The following CAMLG variants were observed in gnomAD, a reference collection of about 807,000 sequenced individuals.
The protein encoded by CAMLG is calcium modulating ligand, also known as guided entry of tail-anchored proteins factor CAMLG.
Under a neutral mutation model 28.9 loss-of-function variants are expected in CAMLG, and 23 were observed. The ratio of observed to expected loss-of-function variants is 0.80; its 90% confidence interval spans 0.57 to 1.13. CAMLG has a LOEUF of 1.13. Among genes scored for constraint, CAMLG ranks in the 50% most tolerant of loss-of-function variants. The pLI, the probability that CAMLG is intolerant of heterozygous loss-of-function variation, is 0.00. For missense variants in CAMLG, 367 were observed against 371.9 expected (o/e 0.99, Z 0.11); for synonymous variants, 141 against 146.5 (o/e 0.96, Z 0.27).
chr5:134,738,888 A>G, intron 1 of CAMLG, 96 bp downstream of exon 1: 1 of 1,229,620 alleles, frequency 8.1e-7, no homozygotes, highest in Non-Finnish European at 1.2e-6. Flanking sequence ...GACCTTTTTG[A>G]CCAAGCCTTG....
intron 2 of CAMLG, among the ~76,000 whole-genome samples, chr5:134,743,381 A>G (rs937258675): frequency 2.0e-5 from 3 of 152,168 alleles, no homozygotes; most frequent in African/African-American, 7.2e-5. Context: ...AACATATTTT[A>G]TGTTAGGAAA....
intron 3 of CAMLG, among the ~76,000 whole-genome samples, chr5:134,749,559 C>A (rs1753089151): frequency 6.6e-6 from 1 of 152,108 alleles, no homozygotes; most frequent in Non-Finnish European, 1.5e-5. Context: ...AGTGTGGATT[C>A]CTTTGCATAA....
In CAMLG at chr5:134,750,819, G is replaced by T. The variant is rs776554963; in HGVS notation, c.760G>T (p.Ala254Ser). The change falls in exon 4 of 4, where the codon GCC becomes TCC. Residue 254 changes from alanine (A) to serine (S), a missense_variant. Coordinates refer to ENST00000297156, the MANE Select transcript of CAMLG (RefSeq NM_001745.4). ...TAALLLSGIPAEVINRSMDTY... is the reference protein window; with the variant it reads ...TAALLLSGIPSEVINRSMDTY... ...TGCACTTCTATTGTCGGGAATTCCT[G>T]CCGAAGTGATAAATCGATCAATGGA... 6.2e-7 allele frequency: 1 copy of T among 1,613,912 alleles called. No homozygotes were observed.
At chr5:134,746,092 C>T (rs1290313329) in intron 3 of CAMLG, among the ~76,000 whole-genome samples, 5 of 143,718 alleles carry the variant, frequency 3.5e-5, no homozygotes, top group Non-Finnish European at 7.5e-5. Flanking sequence ...GAGCCGAGAT[C>T]GCACCATTGC....
At chr5:134,747,571 C>T (rs1266089968) in intron 3 of CAMLG, among the ~76,000 whole-genome samples, 7 of 151,610 alleles carry the variant, frequency 4.6e-5, no homozygotes, top group Non-Finnish European at 1.0e-4. Flanking sequence ...TGGTCTCGAT[C>T]TCCTGACCTC....
At chr5:134,748,065 T>C (rs1022196485) in intron 3 of CAMLG, among the ~76,000 whole-genome samples, 6 of 147,296 alleles carry the variant, frequency 4.1e-5, no homozygotes, top group South Asian at 2.4e-4. Context: ...GGTTTCACCA[T>C]GTTGGCCAAG....
At position 134,749,071 on chromosome 5, in the gene CAMLG, GT is replaced by G. The variant is rs757032417; in HGVS notation, c.700-1674del. On this transcript the variant is annotated intron_variant, in intron 3 of 3. Coordinates refer to ENST00000297156, the MANE Select transcript of CAMLG (RefSeq NM_001745.4). ...TTCATTTCTTTTAGGTAACTATAGG[GT>G]TTTTTTTTTTTTTCAGATGGAGCTT... is the stretch of plus-strand genomic sequence containing the variant. Among the ~76,000 whole-genome samples, 279 of 139,226 alleles carry G rather than the reference GT, an allele frequency of 2.0e-3. 2 individuals are homozygous for G. The East Asian group carries it at 0.03, about 15-fold the overall frequency. 91.3% of individuals were successfully genotyped at this position (139,226 alleles called of 152,430 possible).
chr5:134,743,337 C>G (rs764900876), intron 2 of CAMLG, among the ~76,000 whole-genome samples: 2 of 151,994 alleles, frequency 1.3e-5, no homozygotes, highest in Non-Finnish European at 2.9e-5. Context: ...TTTGGGGACG[C>G]TAAAAGAATA....
intron 3 of CAMLG, among the ~76,000 whole-genome samples, chr5:134,748,842 A>G (rs1470139840): frequency 6.6e-6 from 1 of 152,070 alleles, no homozygotes; most frequent in African/African-American, 2.4e-5. Flanking sequence ...TTTATTCCGC[A>G]TGATATTTTT....
chr5:134,750,901 T>C lies in CAMLG; in HGVS notation c.842T>C (p.Phe281Ser). The C allele has an allele frequency of 1.2e-6, 2 of 1,614,102 alleles. No individual in the cohort carries two copies. The highest frequency in any genetic ancestry group is 1.1e-5 in the South Asian group (1 of 91,076). The change falls in exon 4 of 4, where the codon TTT becomes TCT. Residue 281 changes from phenylalanine (F) to serine (S), a missense_variant. By Grantham distance (155) the Phe-to-Ser change is radical. Coordinates refer to ENST00000297156, the MANE Select transcript of CAMLG (RefSeq NM_001745.4). ...FTDLCVYFFTFIFCHELLDYW... is the reference protein window; with the variant it reads ...FTDLCVYFFTSIFCHELLDYW... Reference sequence around the variant, plus strand: ...GATCTCTGTGTCTACTTTTTCACTTTTATCTTTTGTCATGAACTGCTTGAT... The same window carrying C: ...GATCTCTGTGTCTACTTTTTCACTTCTATCTTTTGTCATGAACTGCTTGAT...
chr5:134,746,813 C>T (rs935094229), intron 3 of CAMLG, among the ~76,000 whole-genome samples: 4 of 150,848 alleles, frequency 2.7e-5, no homozygotes, highest in Admixed American at 6.6e-5. Context: ...GTTGGCCAGG[C>T]GTGGTGCCTC....
intron 3 of CAMLG, among the ~76,000 whole-genome samples, chr5:134,750,322 G>A (rs1413427027): frequency 2.8e-4 from 43 of 152,158 alleles, no homozygotes. Flanking sequence ...GGCAGATCAC[G>A]AGATCAGGAG....
chr5:134,744,039 A>G lies in CAMLG; in HGVS notation c.686A>G (p.Lys229Arg), dbSNP rs1460230515. ...TLQLAYMGLY[K>R]YFPKSEKKIK... is the part of the protein sequence containing the mutation. Reference sequence around the variant, plus strand: ...CAACTTGCGTACATGGGATTATACAAATATTTTCCCAAGGTAAATTAATTT... The same window carrying G: ...CAACTTGCGTACATGGGATTATACAGATATTTTCCCAAGGTAAATTAATTT... The change falls in exon 3 of 4, where the codon AAA (lysine) becomes AGA (arginine). Residue 229 changes from lysine to arginine, a missense_variant. Coordinates refer to ENST00000297156, the MANE Select transcript of CAMLG (RefSeq NM_001745.4). 5.0e-6 allele frequency: 7 copies of G among 1,402,946 alleles called. No homozygotes were observed. Among genetic ancestry groups the G allele is most frequent in the Admixed American group, 1.7e-5 (1 of 58,840 alleles). The allele number at this position is 1,402,946 out of a possible 1,614,324, so 86.9% of individuals were successfully genotyped here. A position where few individuals can be genotyped will look rare whatever the true frequency, so the allele number is the denominator to read the frequency against.
intron 3 of CAMLG, among the ~76,000 whole-genome samples, chr5:134,745,613 A>C (rs1700662985): frequency 6.7e-6 from 1 of 149,862 alleles, no homozygotes; most frequent in Admixed American, 6.7e-5. Context: ...TTACCCAGGC[A>C]TGGTTGCGGG....
At chr5:134,742,129 A>G (rs567543110) in intron 2 of CAMLG, among the ~76,000 whole-genome samples, 32 of 152,282 alleles carry the variant, frequency 2.1e-4, no homozygotes, top group Admixed American at 1.1e-3. Flanking sequence ...CGTTTTACAT[A>G]AGGGACTTGA....
intron 3 of CAMLG, among the ~76,000 whole-genome samples, chr5:134,747,724 C>T (rs974347503): frequency 3.3e-5 from 5 of 151,872 alleles, no homozygotes; most frequent in African/African-American, 1.2e-4. Context: ...TCACTGCAAC[C>T]TCCACCTCCC....
At position 134,750,796 on chromosome 5, in the gene CAMLG, C is replaced by A; in HGVS notation, c.737C>A (p.Ala246Glu). 1 of 1,613,784 alleles carries A rather than the reference C, an allele frequency of 6.2e-7. No homozygotes were observed. The highest frequency in any genetic ancestry group is 1.7e-5 in the Admixed American group (1 of 59,972). ...ATAAAGACAACAGTACTAACAGCTG[C>A]ACTTCTATTGTCGGGAATTCCTGCC... ...KKIKTTVLTAALLLSGIPAEV... is the reference protein window; with the variant it reads ...KKIKTTVLTAELLLSGIPAEV... The change falls in exon 4 of 4, where the codon GCA becomes GAA. Residue 246 changes from alanine to glutamate, a missense_variant. By Grantham distance (107) the Ala-to-Glu change is moderately radical. Coordinates refer to ENST00000297156, the MANE Select transcript of CAMLG (RefSeq NM_001745.4).
rs752908968 is a variant in CAMLG, at chr5:134,741,235, C to T, written c.345C>T (p.Asp115=). 1.2e-6 allele frequency: 2 copies of T among 1,614,204 alleles called. No homozygotes were observed. The highest frequency in any genetic ancestry group is 1.7e-6 in the Non-Finnish European group (2 of 1,180,042). ...VKGTQLGDKL[D]SFIKPPECSS... The stretch of plus-strand genomic sequence containing the variant: ...GGACCCAACTGGGAGACAAATTGGA[C>T]TCGTTCATTAAACCACCTGAGTGCA... Residue 115 remains aspartate, a synonymous_variant, in exon 2 of 4, where the codon GAC becomes GAT. Coordinates refer to ENST00000297156, the MANE Select transcript of CAMLG (RefSeq NM_001745.4).
At position 134,751,118 on chromosome 5, in the gene CAMLG, AG is replaced by A; in HGVS notation, c.*171del. Reference sequence around the variant, plus strand: ...AGAATGGCAGATTCTCTGATTTAAAAGGGCTGAGTTTGTATTATTACTGATA... The same window carrying A: ...AGAATGGCAGATTCTCTGATTTAAAAGGCTGAGTTTGTATTATTACTGATA... On this transcript the variant is annotated 3_prime_UTR_variant, in exon 4 of 4. Coordinates refer to ENST00000297156, the MANE Select transcript of CAMLG (RefSeq NM_001745.4). 2 of 539,064 alleles carry A rather than the reference AG, an allele frequency of 3.7e-6. No individual in the cohort carries two copies. The highest frequency in any genetic ancestry group is 5.9e-5 in the South Asian group (2 of 34,018). The allele number at this position is 539,064 out of a possible 1,614,324, so 33.4% of individuals were successfully genotyped here.
Sources: allele counts gnomAD v4.1 joint callset (sites outside exome capture counted in the v4.1 genomes callset), GRCh38; gene constraint gnomAD v4.1.1; transcripts MANE v1.5; gene names NCBI Gene and HGNC (gene_info 2026-07-23, HGNC 2026-07-21).